DBH: variants seen among roughly 807,000 people sequenced by gnomAD.
The protein encoded by DBH is dopamine beta-hydroxylase (dopamine beta-monooxygenase).
In DBH, 49 loss-of-function variants were observed where a neutral mutation model predicts 64.0. The ratio of observed to expected loss-of-function variants is 0.77; its 90% CI spans 0.61 to 0.97. DBH has a LOEUF of 0.97. Ranked by LOEUF, DBH falls within the 50% of genes least tolerant of loss-of-function variation. DBH has a pLI of 0.00. For missense variants in DBH, 828 were observed against 826.6 expected, an observed-to-expected ratio of 1.00 and a Z score of -0.02; for synonymous variants, 343 against 347.1, an observed-to-expected ratio of 0.99 and a Z score of 0.13.
intron 1 of DBH, 88 bp downstream of exon 1, chr9:133,636,798 C>A: frequency 7.9e-7 from 1 of 1,257,872 alleles, no homozygotes; most frequent in Non-Finnish European, 1.1e-6. Context: ...CTCCTTAACC[C>A]AGAAAGTTCT....
rs76819676 is a variant in DBH at position 133,642,253 on chromosome 9, G to A, written c.533G>A (p.Arg178Gln). The change falls in exon 3 of 12, where the codon CGG becomes CAG. Residue 178 changes from arginine (R) to glutamine (Q), a missense_variant. Transcript: ENST00000393056. ...TACGGGATCCTGGAGGAGCCGTTCC[G>A]GTCACTGGAGGCCATCAACGGCTCG... is the stretch of plus-strand genomic sequence containing the variant. The part of the protein sequence containing the change: ...LVYGILEEPF[R>Q]SLEAINGSGL... 1,833 of 1,613,936 alleles carry A rather than the reference G, an allele frequency of 1.1e-3. 19 individuals carry two copies. The African/African-American group carries it at 0.02, about 18-fold the overall frequency.
At chr9:133,657,317 C>T (rs1490416520) in intron 11 of DBH, 88 bp downstream of exon 11, 3 of 1,534,086 alleles carry the variant, frequency 2.0e-6, no homozygotes, top group Admixed American at 3.4e-5. Context: ...GCACTCCAAA[C>T]TGCTGGCAAA....
chr9:133,651,710 T>G lies in DBH; in HGVS notation c.1268T>G (p.Val423Gly), dbSNP rs1388848899. 2.5e-6 allele frequency: 4 copies of G among 1,613,936 alleles called. No individual in the cohort carries two copies. Among genetic ancestry groups the G allele is most frequent in the Non-Finnish European group, 3.4e-6 (4 of 1,180,004 alleles). ...THLTGRKVVTVLVRDGREWEI... is the reference protein window; with the variant it reads ...THLTGRKVVTGLVRDGREWEI... ...CTGACTGGGAGAAAGGTGGTCACAG[T>G]GCTGGTCCGGGACGGCCGGGAGTGG... Residue 423 changes from valine to glycine, a missense_variant, in exon 7 of 12, where the codon GTG (valine) becomes GGG (glycine). Transcript: ENST00000393056.
At chr9:133,637,702 G>A (rs1401671369) in intron 1 of DBH, among the ~76,000 whole-genome samples, 1 of 152,220 alleles carries the variant, frequency 6.6e-6, no homozygotes, top group Non-Finnish European at 1.5e-5. Flanking sequence ...TGGGTGTTGT[G>A]AATTCATGAG....
Position 133,643,480 on chromosome 9 carries a change from C to T in DBH, c.812C>T (p.Pro271Leu). 1 of 1,613,940 alleles carries T rather than the reference C, an allele frequency of 6.2e-7. No homozygotes were observed. The change falls in exon 4 of 12, where the codon CCC becomes CTC. Residue 271 changes from proline to leucine, a missense_variant. Coordinates refer to ENST00000393056, the MANE Select transcript of DBH (RefSeq NM_000787.4). The surrounding 1 kb of genome is among the most constrained non-coding windows in gnomAD (Gnocchi z 5.3). ...VHHMEVFQCA[P>L]EMDSVPHFSG... is the part of the protein sequence containing the mutation. ...CACATGGAAGTCTTCCAGTGCGCCC[C>T]CGAGATGGACAGCGTCCCCCACTTC...
chr9:133,636,514 C>G lies in DBH; in HGVS notation c.143C>G (p.Pro48Arg), dbSNP rs1421390777. The change falls in exon 1 of 12, where the codon CCC (proline) becomes CGC (arginine). Residue 48 changes from proline to arginine, a missense_variant. By Grantham distance (103) the Pro-to-Arg change is moderately radical. Coordinates refer to ENST00000393056, the MANE Select transcript of DBH (RefSeq NM_000787.4). Reference sequence around the variant, plus strand: ...TCGGCTCCCCGTGAGAGCCCCCTCCCCTATCACATCCCCCTGGACCCGGAG... The same window carrying G: ...TCGGCTCCCCGTGAGAGCCCCCTCCGCTATCACATCCCCCTGGACCCGGAG... ...QGSAPRESPL[P>R]YHIPLDPEGS... 6.2e-7 allele frequency: 1 copy of G among 1,613,342 alleles called. No homozygotes were observed. Among genetic ancestry groups the G allele is most frequent in the African/African-American group, 1.3e-5 (1 of 74,934 alleles).
At chr9:133,652,396 G>A (rs1832262148) in intron 8 of DBH, 112 bp downstream of exon 8, 1 of 1,334,710 alleles carries the variant, frequency 7.5e-7, no homozygotes, top group Non-Finnish European at 1.1e-6. Flanking sequence ...GGGGGAGGGA[G>A]AGCCATCCAG....
chr9:133,657,319 G>A, intron 11 of DBH, 90 bp downstream of exon 11: 6 of 1,503,682 alleles, frequency 4.0e-6, no homozygotes, highest in Non-Finnish European at 5.5e-6. Context: ...ACTCCAAACT[G>A]CTGGCAAAAG....
intron 6 of DBH, among the ~76,000 whole-genome samples, chr9:133,650,916 T>C (rs1832241091): frequency 6.6e-6 from 1 of 152,220 alleles, no homozygotes; most frequent in Non-Finnish European, 1.5e-5. Context: ...CTCTGGAAGA[T>C]TCTCTCATGC....
chr9:133,650,485 TC>T (rs1168096403), intron 6 of DBH, among the ~76,000 whole-genome samples: 32 of 147,014 alleles, frequency 2.2e-4, no homozygotes, highest in African/African-American at 8.3e-4. Context: ...TTTTTCTTTT[TC>T]TTTCTTTTCT....
intron 4 of DBH, 145 bp from the exon 5 acceptor site, chr9:133,644,073 T>C: frequency 1.4e-6 from 1 of 735,756 alleles, no homozygotes; most frequent in Admixed American, 1.9e-5. Context: ...GAGCTGCCTG[T>C]CAGGAGGAAG....
At chr9:133,652,516 C>T (rs139070047) in intron 8 of DBH, among the ~76,000 whole-genome samples, 152 of 152,028 alleles carry the variant, frequency 1.0e-3, no homozygotes, top group African/African-American at 3.6e-3. Context: ...CAGGACACTC[C>T]CAGGGGACGC....
At chr9:133,656,674 C>G in intron 10 of DBH, 24 bp downstream of exon 10, 1 of 1,609,858 alleles carries the variant, frequency 6.2e-7, no homozygotes, top group Non-Finnish European at 8.5e-7. Context: ...GCACAAGCTC[C>G]CTGCCCCCAG....
chr9:133,652,901 A>G, intron 8 of DBH, 39 bp from the exon 9 acceptor site: 3 of 1,533,864 alleles, frequency 2.0e-6, no homozygotes, highest in Non-Finnish European at 2.7e-6. Context: ...TGCCAACGCC[A>G]GGTGGCAGGT....
At chr9:133,648,098 G>A (rs1832205163) in intron 6 of DBH, 86 bp downstream of exon 6, 8 of 1,465,262 alleles carry the variant, frequency 5.5e-6, no homozygotes, top group Non-Finnish European at 7.4e-6. Context: ...CACGAAGGGT[G>A]GCAGGCACAG....
Position 133,652,436 on chromosome 9 carries a change from T to C in DBH, c.1374+152T>C, listed in dbSNP as rs1286191918. The C allele has an allele frequency of 5.6e-6, 5 of 885,906 alleles. No individual in the cohort carries two copies. The African/African-American group carries it at 6.6e-5, about 12-fold the overall frequency. 54.9% of individuals were successfully genotyped at this position (885,906 alleles called of 1,614,324 possible). A position where few individuals can be genotyped will look rare whatever the true frequency, so the allele number is the denominator to read the frequency against. ...GGGGGAGGGTGCCTGTGGGTGGCTC[T>C]GGGCTGGGCTACCTCATGGGGAGAC... is the stretch of plus-strand genomic sequence containing the variant. On this transcript the variant is annotated intron_variant, in intron 8 of 11. Coordinates refer to ENST00000393056, the MANE Select transcript of DBH (RefSeq NM_000787.4).
chr9:133,644,741 C>T (rs556862998), intron 5 of DBH, among the ~76,000 whole-genome samples: 158 of 152,292 alleles, frequency 1.0e-3, no homozygotes, highest in African/African-American at 3.4e-3. Flanking sequence ...AGGACACAGG[C>T]GCTCCGGCCT....
intron 2 of DBH, among the ~76,000 whole-genome samples, chr9:133,640,956 T>C (rs1832109879): frequency 6.6e-5 from 10 of 152,180 alleles, no homozygotes; most frequent in Admixed American, 6.5e-4. Context: ...GGGTGGTCTC[T>C]AGTTGCCTGG....
Position 133,636,542 on chromosome 9 carries a change from G to T in DBH, c.171G>T (p.Gly57=), listed in dbSNP as rs762193644. The change falls in exon 1 of 12, where the codon GGG becomes GGT. Residue 57 remains glycine (G), a synonymous_variant. Coordinates refer to ENST00000393056, the MANE Select transcript of DBH (RefSeq NM_000787.4). ...ATCACATCCCCCTGGACCCGGAGGGGTCCCTGGAGCTCTCATGGAATGTCA... is the reference window on the plus strand; with the variant it reads ...ATCACATCCCCCTGGACCCGGAGGGTTCCCTGGAGCTCTCATGGAATGTCA... ...LPYHIPLDPE[G]SLELSWNVSY... The T allele has an allele frequency of 1.7e-4, 273 of 1,613,424 alleles. No individual in the cohort carries two copies. The highest frequency in any genetic ancestry group is 9.4e-5 in the Non-Finnish European group (111 of 1,180,022).
Sources: allele counts gnomAD v4.1 joint callset (sites outside exome capture counted in the v4.1 genomes callset), GRCh38; gene constraint gnomAD v4.1.1; non-coding constraint Gnocchi (gnomAD v3.1); transcripts MANE v1.5; gene names NCBI Gene and HGNC (gene_info 2026-07-23, HGNC 2026-07-21).